Variants in ERBB4 observed in about 807,000 individuals in gnomAD.
ERBB4 encodes erb-b2 receptor tyrosine kinase 4.
ERBB4 carries 42 observed loss-of-function variants against 158.0 expected under a neutral mutation model. The ratio of observed to expected loss-of-function variants is 0.27; its 90% CI spans 0.21 to 0.34. ERBB4 has a LOEUF of 0.34. Among genes scored for constraint, ERBB4 ranks in the 10% least tolerant of loss-of-function variants. The pLI is 1.00. For missense variants in ERBB4, 1,333 were observed against 1,624.1 expected (o/e 0.82, Z 3.08); for synonymous variants, 583 against 558.7 (o/e 1.04, Z -0.61).
At chr2:211,475,908 A>G (rs1045011337) in intron 20 of ERBB4, among the ~76,000 whole-genome samples, 1 of 152,162 alleles carries the variant, frequency 6.6e-6, no homozygotes, top group Non-Finnish European at 1.5e-5. Flanking sequence ...TATGTAATAG[A>G]GTAGTGGAAA....
chr2:211,736,635 A>G (rs2074610789), intron 5 of ERBB4, among the ~76,000 whole-genome samples: 2 of 152,180 alleles, frequency 1.3e-5, no homozygotes, highest in Non-Finnish European at 1.5e-5. Context: ...CTGAAGTTTT[A>G]GGATTCTAGA....
At chr2:212,426,976 T>C (rs2091927524) in intron 1 of ERBB4, among the ~76,000 whole-genome samples, 2 of 152,262 alleles carry the variant, frequency 1.3e-5, no homozygotes, top group South Asian at 4.1e-4. Context: ...CAGGATAAGT[T>C]TTAAAAATGT....
chr2:211,842,965 C>T (rs995476535), intron 3 of ERBB4, among the ~76,000 whole-genome samples: 2 of 152,058 alleles, frequency 1.3e-5, no homozygotes, highest in African/African-American at 4.8e-5. Context: ...TTCTGGTCCA[C>T]TCATCTTTAA....
At chr2:212,202,103 G>T (rs1291654707) in intron 1 of ERBB4, among the ~76,000 whole-genome samples, 1 of 152,082 alleles carries the variant, frequency 6.6e-6, no homozygotes, top group African/African-American at 2.4e-5. Context: ...AGTATGGATT[G>T]CATTTAAAAT....
At chr2:211,826,913 T>C (rs1186470010) in intron 3 of ERBB4, among the ~76,000 whole-genome samples, 2 of 152,118 alleles carry the variant, frequency 1.3e-5, no homozygotes, top group East Asian at 1.9e-4. Flanking sequence ...TTTGCAGAGA[T>C]GGCTTTTGTA....
At chr2:211,957,286 A>T (rs937144695) in intron 2 of ERBB4, among the ~76,000 whole-genome samples, 13 of 152,136 alleles carry the variant, frequency 8.5e-5, no homozygotes, top group African/African-American at 2.9e-4. Flanking sequence ...AGAAGAAAAG[A>T]TGAGGGCACA....
chr2:212,174,769 G>C (rs1575748384), intron 1 of ERBB4, among the ~76,000 whole-genome samples: 1 of 152,058 alleles, frequency 6.6e-6, no homozygotes, highest in East Asian at 1.9e-4. Context: ...TCTTGGATGG[G>C]AAAAAGGAGT....
chr2:212,289,557 T>A (rs72945683), intron 1 of ERBB4, among the ~76,000 whole-genome samples: 23,023 of 152,140 alleles, frequency 0.15, 2,061 homozygotes, highest in South Asian at 0.3. Context: ...ATCTCTGGTG[T>A]CTATTAACAT....
intron 3 of ERBB4, among the ~76,000 whole-genome samples, chr2:211,849,691 A>T (rs2077671304): frequency 6.6e-6 from 1 of 151,946 alleles, no homozygotes; most frequent in Non-Finnish European, 1.5e-5. Context: ...TCTTTTTACT[A>T]TTAATGTGAA....
intron 2 of ERBB4, among the ~76,000 whole-genome samples, chr2:211,987,188 G>A (rs2081959095): frequency 6.6e-6 from 1 of 151,848 alleles, no homozygotes; most frequent in African/African-American, 2.4e-5. Flanking sequence ...AGGCTTGGTG[G>A]CAGATGCCTG....
rs1451332612 is a variant in ERBB4, at chr2:212,350,439, G to C, written c.82+188010C>G. ...CAAGAACATAAGCAAATGTTTTGCTGTCTTTAATACTAACATGGAAAGATA... is the reference window on the plus strand; with the variant it reads ...CAAGAACATAAGCAAATGTTTTGCTCTCTTTAATACTAACATGGAAAGATA... On this transcript the variant is annotated intron_variant, in intron 1 of 27. Coordinates refer to ENST00000342788, the MANE Select transcript of ERBB4 (RefSeq NM_005235.3). Among the ~76,000 whole-genome samples the C allele has an allele frequency of 2.0e-5, 3 of 152,058 alleles. No homozygotes were observed. The East Asian group carries it at 5.8e-4, about 29-fold the overall frequency.
intron 2 of ERBB4, among the ~76,000 whole-genome samples, chr2:212,036,666 G>A (rs569031618): frequency 4.6e-5 from 7 of 151,908 alleles, no homozygotes; most frequent in Admixed American, 3.9e-4. Flanking sequence ...GGTTTTCACC[G>A]TGTTAGTCAG....
intron 1 of ERBB4, among the ~76,000 whole-genome samples, chr2:212,464,947 T>C (rs1470269736): frequency 2.0e-5 from 3 of 148,506 alleles, no homozygotes; most frequent in African/African-American, 5.0e-5. Flanking sequence ...ACTAACACAG[T>C]ACAAATTGAC....
chr2:211,773,715 A>G (rs188049453), intron 4 of ERBB4, among the ~76,000 whole-genome samples: 28 of 145,164 alleles, frequency 1.9e-4, no homozygotes, highest in Admixed American at 6.3e-4. Flanking sequence ...AGTGAAGAAT[A>G]TATATATACA....
intron 9 of ERBB4, among the ~76,000 whole-genome samples, chr2:211,706,608 A>C (rs533486012): frequency 2.1e-4 from 32 of 151,840 alleles, no homozygotes; most frequent in African/African-American, 1.2e-4. Context: ...AAACAAAAAA[A>C]AAAAAAACAA....
intron 2 of ERBB4, among the ~76,000 whole-genome samples, chr2:212,089,974 C>A (rs991653022): frequency 6.6e-6 from 1 of 152,112 alleles, no homozygotes; most frequent in African/African-American, 2.4e-5. Flanking sequence ...AAAATGTCTA[C>A]CAGGCCTTCA....
At chr2:211,758,902 T>C (rs901255996) in intron 4 of ERBB4, among the ~76,000 whole-genome samples, 10 of 152,224 alleles carry the variant, frequency 6.6e-5, no homozygotes, top group African/African-American at 2.4e-4. Flanking sequence ...AAAATTTGTA[T>C]GTCCAGTCTA....
chr2:212,534,923 A>G (rs1692960453), intron 1 of ERBB4, among the ~76,000 whole-genome samples: 1 of 152,170 alleles, frequency 6.6e-6, no homozygotes, highest in Non-Finnish European at 1.5e-5. Flanking sequence ...ATCTTCCACA[A>G]AGTTCATGCT....
At chr2:211,748,512 C>T (rs975518662) in intron 5 of ERBB4, among the ~76,000 whole-genome samples, 24 of 152,126 alleles carry the variant, frequency 1.6e-4, no homozygotes, top group African/African-American at 5.1e-4. Flanking sequence ...CCCTACTCAA[C>T]AGAAGAGGGA....
Sources: allele counts gnomAD v4.1 joint callset (sites outside exome capture counted in the v4.1 genomes callset), GRCh38; gene constraint gnomAD v4.1.1; transcripts MANE v1.5; gene names NCBI Gene and HGNC (gene_info 2026-07-23, HGNC 2026-07-21).